The following HHLA2 variants were observed in gnomAD, a reference collection of about 807,000 sequenced individuals.
HHLA2 encodes the protein HHLA2 member of B7 family.
HHLA2 carries 48 observed loss-of-function variants against 45.9 expected under a neutral mutation model. The ratio of observed to expected loss-of-function variants is 1.05; its 90% CI spans 0.83 to 1.33. The LOEUF (loss-of-function observed/expected upper bound fraction) is 1.33, where lower values mean the gene tolerates loss of function less well. Among genes scored for constraint, HHLA2 ranks in the 40% most tolerant of loss-of-function variants. The pLI, the probability that HHLA2 is intolerant of heterozygous loss-of-function variation, is 0.00. For synonymous variants in HHLA2, 161 were observed against 173.9 expected, an observed-to-expected ratio of 0.93 and a Z score of 0.59; for missense variants, 462 against 494.3, an observed-to-expected ratio of 0.93 and a Z score of 0.62.
intron 2 of HHLA2, among the ~76,000 whole-genome samples, chr3:108,316,785 T>A (rs1192376168): frequency 1.3e-5 from 2 of 152,342 alleles, no homozygotes; most frequent in East Asian, 3.9e-4. Flanking sequence ...AGGCCCTATT[T>A]TTTTTTCCAA....
Position 108,338,071 on chromosome 3 carries a change from G to A in HHLA2, c.-27+9724G>A, listed in dbSNP as rs543217599. Among the ~76,000 whole-genome samples the A allele has an allele frequency of 1.3e-4, 20 of 151,274 alleles. No individual in the cohort carries two copies. In the South Asian group the frequency reaches 3.1e-3, roughly 24 times the overall value. On this transcript the variant is annotated intron_variant, in intron 3 of 10. Transcript: ENST00000619531. ...AATGTATATAAGTGTATGTACAAAC[G>A]CACACACACATATGTATATATGTAG...
chr3:108,317,819 C>A (rs186484523), intron 2 of HHLA2, among the ~76,000 whole-genome samples: 2 of 151,980 alleles, frequency 1.3e-5, no homozygotes, highest in African/African-American at 4.8e-5. Flanking sequence ...GTGATCCGCC[C>A]GCCTCAGCCT....
chr3:108,314,134 T>TG (rs1221257922), intron 2 of HHLA2, among the ~76,000 whole-genome samples: 2 of 152,142 alleles, frequency 1.3e-5, no homozygotes, highest in Non-Finnish European at 2.9e-5. Context: ...TTGATTTTTT[T>TG]TTATCTTTGT....
rs775538346 is a variant in HHLA2 at position 108,351,844 on chromosome 3, C to T, written c.31C>T (p.Leu11Phe). 13 of 1,612,358 alleles carry T rather than the reference C, an allele frequency of 8.1e-6. No individual in the cohort carries two copies. Among genetic ancestry groups the T allele is most frequent in the African/African-American group, 5.3e-5 (4 of 74,858 alleles). Residue 11 changes from leucine to phenylalanine, a missense_variant, in exon 4 of 11, where the codon CTC becomes TTC. Transcript: ENST00000619531. ...GGCACAGACAGCACTGTCTTTCTTC[C>T]TCATTCTCATAACATCTCTGAGTGG...
chr3:108,319,997 C>A (rs1010890417), intron 2 of HHLA2, among the ~76,000 whole-genome samples: 1 of 152,172 alleles, frequency 6.6e-6, no homozygotes, highest in Non-Finnish European at 1.5e-5. Flanking sequence ...TGACAGTAAA[C>A]AACAGCATGT....
chr3:108,360,117 C>G (rs1230777505), intron 7 of HHLA2, among the ~76,000 whole-genome samples: 1 of 121,544 alleles, frequency 8.2e-6, no homozygotes, highest in Non-Finnish European at 1.8e-5. Flanking sequence ...CATCCTCTAT[C>G]CTCTACTTGC....
At chr3:108,376,290 C>T (rs988486036) in intron 9 of HHLA2, among the ~76,000 whole-genome samples, 11 of 152,168 alleles carry the variant, frequency 7.2e-5, no homozygotes, top group Non-Finnish European at 1.3e-4. Flanking sequence ...GGCTTTGGAG[C>T]ACCTGGATCA....
At chr3:108,325,499 C>A (rs2081271639) in intron 2 of HHLA2, 1 of 350,334 alleles carries the variant, frequency 2.9e-6, no homozygotes, top group East Asian at 9.4e-5. Context: ...TGCTTCCTGG[C>A]AGTAATTAAA....
intron 8 of HHLA2, among the ~76,000 whole-genome samples, chr3:108,370,946 G>C (rs1440191682): frequency 6.6e-6 from 1 of 152,128 alleles, no homozygotes; most frequent in Admixed American, 6.5e-5. Flanking sequence ...AGCAAGGCAG[G>C]CCAACACTCA....
At chr3:108,337,723 T>A (rs1413351691) in intron 3 of HHLA2, among the ~76,000 whole-genome samples, 1 of 152,106 alleles carries the variant, frequency 6.6e-6, no homozygotes. Flanking sequence ...ACTGAGTCAC[T>A]GTATGACAGA....
intron 2 of HHLA2, chr3:108,311,852 T>C (rs897862414): frequency 6.6e-6 from 1 of 152,190 alleles, no homozygotes; most frequent in African/African-American, 2.4e-5. Context: ...TATAACTCAC[T>C]TGGTATGAAC....
chr3:108,306,980 C>G (rs2080940761), intron 1 of HHLA2, among the ~76,000 whole-genome samples: 1 of 152,078 alleles, frequency 6.6e-6, no homozygotes, highest in African/African-American at 2.4e-5. Flanking sequence ...CTCAGGCTCC[C>G]AAGTATCTGG....
intron 8 of HHLA2, among the ~76,000 whole-genome samples, chr3:108,375,367 T>A (rs2082254531): frequency 6.6e-6 from 1 of 150,736 alleles, no homozygotes. Flanking sequence ...TTAGGAGATA[T>A]ACCTAATGCT....
chr3:108,377,855 G>A (rs2082301289), exon 11 of HHLA2: 1 of 152,384 alleles, frequency 6.6e-6, no homozygotes, highest in East Asian at 1.9e-4. Context: ...TAGGGAAAAG[G>A]GCCCTATGTG....
chr3:108,372,221 T>C (rs1560282549), intron 8 of HHLA2, among the ~76,000 whole-genome samples: 3 of 152,324 alleles, frequency 2.0e-5, no homozygotes, highest in African/African-American at 7.2e-5. Flanking sequence ...TGCTCCTGAA[T>C]GACGACTGGG....
chr3:108,358,056 T>G (rs1221565606), exon 7 of HHLA2: 1 of 1,613,682 alleles, frequency 6.2e-7, no homozygotes, highest in Admixed American at 1.7e-5. Flanking sequence ...CCAGAGTGAC[T>G]TCTCTATGAA....
At chr3:108,318,180 C>CAA (rs55796552) in intron 2 of HHLA2, among the ~76,000 whole-genome samples, 113 of 122,468 alleles carry the variant, frequency 9.2e-4, no homozygotes, top group African/African-American at 2.0e-3. Flanking sequence ...GACTCCATCT[C>CAA]AAAAAAAAAA....
intron 9 of HHLA2, 133 bp downstream of exon 8, chr3:108,375,933 G>T: frequency 8.2e-7 from 1 of 1,215,510 alleles, no homozygotes; most frequent in South Asian, 1.7e-5. Context: ...CAGTGAGATG[G>T]GCTGAAAATA....
intron 3 of HHLA2, among the ~76,000 whole-genome samples, chr3:108,350,843 C>G (rs2081762983): frequency 6.6e-6 from 1 of 152,102 alleles, no homozygotes; most frequent in Non-Finnish European, 1.5e-5. Flanking sequence ...TGCCACCACA[C>G]CCGGCTAATT....
Sources: gnomAD v4.1 joint callset for allele counts (sites outside exome capture counted in the v4.1 genomes callset) on GRCh38, gnomAD v4.1.1 for gene constraint, MANE v1.5 for transcripts, NCBI Gene and HGNC (gene_info 2026-07-23, HGNC 2026-07-21) for gene names.